The following NAV3 variants were observed in gnomAD, a reference collection of about 807,000 sequenced individuals.
NAV3 encodes the protein neuron navigator 3.
A neutral mutation model predicts 244.7 loss-of-function variants in NAV3; 87 were observed. The observed-to-expected ratio is 0.36, with a 90% CI of 0.30 to 0.42. The LOEUF (loss-of-function observed/expected upper bound fraction) is 0.42, where lower values mean the gene tolerates loss of function less well. NAV3 is among the 20% of genes least tolerant of loss of function. The pLI, the probability that NAV3 is intolerant of heterozygous loss-of-function variation, is 1.00. For missense variants in NAV3, 2,663 were observed against 2,893.3 expected, an observed-to-expected ratio of 0.92 and a Z score of 1.83; for synonymous variants, 1,126 against 1,042.2, an observed-to-expected ratio of 1.08 and a Z score of -1.55.
chr12:77,737,107 A>G (rs763957505), intron 2 of NAV3, among the ~76,000 whole-genome samples: 33 of 151,118 alleles, frequency 2.2e-4, no homozygotes, highest in Non-Finnish European at 3.8e-4. Context: ...ATTCACTCAG[A>G]TGAGGGAGGC....
chr12:78,139,070 C>T (rs879528234), intron 19 of NAV3, among the ~76,000 whole-genome samples: 13 of 151,188 alleles, frequency 8.6e-5, no homozygotes, highest in African/African-American at 1.2e-4. Flanking sequence ...CTTTAGTTTA[C>T]GAGGGTATTA....
rs150913496 is a variant in NAV3, at chr12:77,878,946, C to A, written c.243+47242C>A. ...GTAAGATGTTTATAGGAAGGAGAAC[C>A]AAATTTGCAAATTTTTAGTTCCCAG... On this transcript the variant is annotated intron_variant, in intron 1 of 39. Coordinates refer to ENST00000397909, the MANE Select transcript of NAV3 (RefSeq NM_001024383.2). Among the ~76,000 whole-genome samples, 874 of 152,158 alleles carry A rather than the reference C, an allele frequency of 5.7e-3. 11 individuals carry two copies. Among genetic ancestry groups the A allele is most frequent in the African/African-American group, 0.019 (807 of 41,528 alleles).
At chr12:78,108,369 C>T (rs1003073923) in intron 12 of NAV3, among the ~76,000 whole-genome samples, 1 of 152,100 alleles carries the variant, frequency 6.6e-6, no homozygotes, top group South Asian at 2.1e-4. Context: ...AGAACTTCAA[C>T]ACTCCACTTT....
chr12:78,189,593 ATCTTCACATTTAT>A (rs1200034213), intron 33 of NAV3, among the ~76,000 whole-genome samples: 1 of 151,076 alleles, frequency 6.6e-6, no homozygotes, highest in Non-Finnish European at 1.5e-5. Context: ...TGTGTATATA[ATCTTCACATTTAT>A]TCTTCACATT....
At chr12:77,794,477 G>A (rs1410361488) in intron 2 of NAV3, among the ~76,000 whole-genome samples, 1 of 152,114 alleles carries the variant, frequency 6.6e-6, no homozygotes, top group Non-Finnish European at 1.5e-5. Context: ...GATTAATCTA[G>A]CCAGTTATGT....
At chr12:77,704,803 T>C (rs1157851641) in intron 2 of NAV3, among the ~76,000 whole-genome samples, 1 of 152,180 alleles carries the variant, frequency 6.6e-6, no homozygotes, top group Non-Finnish European at 1.5e-5. Flanking sequence ...ATTTTGAATA[T>C]TTATTCATAT....
At chr12:77,727,593 T>C (rs1418107786) in intron 2 of NAV3, among the ~76,000 whole-genome samples, 3 of 151,932 alleles carry the variant, frequency 2.0e-5, no homozygotes, top group Non-Finnish European at 2.9e-5. Flanking sequence ...ACATGGGCAA[T>C]GGCCAAGAGG....
Position 78,056,677 on chromosome 12 carries a change from C to T in NAV3, c.2517-2319C>T, listed in dbSNP as rs11108048. Among the ~76,000 whole-genome samples the T allele has an allele frequency of 6.3e-3, 953 of 151,428 alleles. 8 individuals are homozygous for T. Among genetic ancestry groups the T allele is most frequent in the African/African-American group, 0.022 (888 of 41,242 alleles). ...CCAGGAAGCAGAGGTTGCAGTGAGC[C>T]GAGATCTCACCACTGCACCCCAGCC... On this transcript the variant is annotated intron_variant, in intron 11 of 39. Transcript: ENST00000397909.
chr12:77,742,845 C>T (rs1288512989), intron 2 of NAV3, among the ~76,000 whole-genome samples: 1 of 151,778 alleles, frequency 6.6e-6, no homozygotes, highest in East Asian at 1.9e-4. Context: ...GACCCTGAGC[C>T]ATTCATCTCT....
intron 2 of NAV3, among the ~76,000 whole-genome samples, chr12:77,772,557 G>C (rs1470878929): frequency 2.6e-5 from 4 of 152,170 alleles, no homozygotes; most frequent in Non-Finnish European, 5.9e-5. Context: ...GCAAGGAGAT[G>C]CTAGTTAGCA....
chr12:78,208,179 G>A (rs965861180), intron 39 of NAV3, among the ~76,000 whole-genome samples: 1 of 152,092 alleles, frequency 6.6e-6, no homozygotes, highest in Non-Finnish European at 1.5e-5. Flanking sequence ...AGAGGAGTGG[G>A]AGTGTGCAGA....
At chr12:78,159,423 GGAGA>G in intron 23 of NAV3, 137 bp downstream of exon 23, 2 of 719,224 alleles carry the variant, frequency 2.8e-6, no homozygotes, top group Non-Finnish European at 4.4e-6. Flanking sequence ...CACCACTTTG[GGAGA>G]CCAAGGTGGG....
chr12:77,944,330 T>C (rs540830710), intron 3 of NAV3, among the ~76,000 whole-genome samples: 6 of 152,132 alleles, frequency 3.9e-5, no homozygotes, highest in Non-Finnish European at 5.9e-5. Context: ...AGATGCTTTA[T>C]GGGGATTATA....
chr12:78,157,871 A>G (rs1957372137), intron 22 of NAV3, among the ~76,000 whole-genome samples: 1 of 152,002 alleles, frequency 6.6e-6, no homozygotes, highest in Admixed American at 6.6e-5. Flanking sequence ...GTTCTGATAG[A>G]TTAATCTTTA....
chr12:77,798,541 A>G (rs2135963536), intron 2 of NAV3, among the ~76,000 whole-genome samples: 1 of 88,262 alleles, frequency 1.1e-5, no homozygotes, highest in South Asian at 5.6e-4. Context: ...CTTTCCTCAC[A>G]TGAGGAAAGA....
intron 15 of NAV3, among the ~76,000 whole-genome samples, chr12:78,121,293 C>A (rs567074744): frequency 2.0e-4 from 31 of 152,268 alleles, no homozygotes; most frequent in Admixed American, 8.5e-4. Flanking sequence ...TGTTTCAAAT[C>A]ACTATTAAAA....
chr12:77,655,625 G>C (rs954636670), intron 2 of NAV3, among the ~76,000 whole-genome samples: 1 of 151,926 alleles, frequency 6.6e-6, no homozygotes, highest in Non-Finnish European at 1.5e-5. Flanking sequence ...GATACTCCTC[G>C]AGAAGAGCAA....
intron 12 of NAV3, 114 bp from the exon 13 acceptor site, chr12:78,116,658 A>G (rs1955393992): frequency 1.7e-6 from 2 of 1,166,464 alleles, no homozygotes; most frequent in Admixed American, 3.2e-5. Flanking sequence ...TTTTCATAAG[A>G]TATTTTTTAA....
chr12:78,150,263 A>G (rs777925698), intron 22 of NAV3, among the ~76,000 whole-genome samples: 11 of 152,072 alleles, frequency 7.2e-5, no homozygotes, highest in African/African-American at 1.9e-4. Flanking sequence ...GAAAGGCTCA[A>G]TGGCAAACCT....
Sources: allele counts gnomAD v4.1 joint callset (sites outside exome capture counted in the v4.1 genomes callset), GRCh38; gene constraint gnomAD v4.1.1; transcripts MANE v1.5; gene names NCBI Gene and HGNC (gene_info 2026-07-23, HGNC 2026-07-21).